Variants in ABCB1 observed in about 807,000 individuals in gnomAD.
The protein encoded by ABCB1 is ATP binding cassette subfamily B member 1, also known as ATP-dependent translocase ABCB1.
In ABCB1, 69 loss-of-function variants were observed where a neutral mutation model predicts 142.0. The observed-to-expected ratio is 0.49, with a 90% confidence interval of 0.40 to 0.59. The LOEUF is 0.59. ABCB1 is among the 20% of genes least tolerant of loss of function. The probability of loss-of-function intolerance (pLI) is 0.00; values close to 1 mark genes in which losing one functional copy is unlikely to be tolerated. For synonymous variants in ABCB1, 532 were observed against 539.2 expected, an observed-to-expected ratio of 0.99 and a Z score of 0.18; for missense variants, 1,326 against 1,554.7, an observed-to-expected ratio of 0.85 and a Z score of 2.47.
At chr7:87,526,553 C>T (rs1343707159) in intron 21 of ABCB1, among the ~76,000 whole-genome samples, 1 of 151,866 alleles carries the variant, frequency 6.6e-6, no homozygotes, top group Non-Finnish European at 1.5e-5. Flanking sequence ...TTCTTATAAC[C>T]CCCTCATCTA....
At chr7:87,539,971 G>A (rs1301247705) in intron 18 of ABCB1, among the ~76,000 whole-genome samples, 3 of 152,122 alleles carry the variant, frequency 2.0e-5, no homozygotes, top group Non-Finnish European at 4.4e-5. Flanking sequence ...AACACCTGTG[G>A]TATTAATAGT....
chr7:87,536,308 T>C, intron 20 of ABCB1, 150 bp downstream of exon 20: 2 of 740,886 alleles, frequency 2.7e-6, no homozygotes, highest in South Asian at 3.1e-5. Flanking sequence ...AACATGTTGC[T>C]ACAAAAAGCA....
intron 7 of ABCB1, chr7:87,564,219 T>C: frequency 4.8e-6 from 2 of 416,150 alleles, no homozygotes; most frequent in Admixed American, 2.8e-5. Flanking sequence ...AGCCGGCAGT[T>C]GTTCCATTGA....
At chr7:87,669,438 T>C (rs1056287103) in intron 1 of ABCB1, among the ~76,000 whole-genome samples, 4 of 152,234 alleles carry the variant, frequency 2.6e-5, no homozygotes, top group African/African-American at 9.6e-5. Flanking sequence ...AGCTTCTCAC[T>C]GTGCCTTTTA....
At chr7:87,588,779 A>G (rs924419418) in intron 3 of ABCB1, among the ~76,000 whole-genome samples, 1 of 152,162 alleles carries the variant, frequency 6.6e-6, no homozygotes, top group African/African-American at 2.4e-5. Flanking sequence ...ACAGTGTATA[A>G]ATGTTCCTTT....
intron 1 of ABCB1, among the ~76,000 whole-genome samples, chr7:87,693,192 A>G (rs1828172885): frequency 6.6e-6 from 1 of 152,204 alleles, no homozygotes; most frequent in African/African-American, 2.4e-5. Context: ...AAAATATAGC[A>G]GAAATTTCTA....
At chr7:87,644,738 CTACT>C (rs957979872) in intron 1 of ABCB1, among the ~76,000 whole-genome samples, 5 of 151,276 alleles carry the variant, frequency 3.3e-5, no homozygotes, top group African/African-American at 1.2e-4. Flanking sequence ...ATTTTTTTTA[CTACT>C]TATTCTCTCT....
intron 1 of ABCB1, among the ~76,000 whole-genome samples, chr7:87,662,272 C>CG (rs1730016840): frequency 6.6e-6 from 1 of 151,934 alleles, no homozygotes; most frequent in Non-Finnish European, 1.5e-5. Flanking sequence ...CTCACTTGTC[C>CG]GTTTTTGCTT....
At position 87,509,517 on chromosome 7, in the gene ABCB1, A is replaced by G. The variant is rs1242489280; in HGVS notation, c.3283-36T>C. The G allele has an allele frequency of 3.1e-6, 5 of 1,598,370 alleles. No individual in the cohort carries two copies. The African/African-American group carries it at 5.4e-5, about 17-fold the overall frequency. On this transcript the variant is annotated intron_variant, in intron 25 of 27. Coordinates refer to ENST00000622132, the MANE Select transcript of ABCB1 (RefSeq NM_001348946.2). Reference sequence around the variant, plus strand: ...GAGTTCACAGATCAACTTCAGGACCAGCACACTTTGAATGTAGCACAATTA... The same window carrying G: ...GAGTTCACAGATCAACTTCAGGACCGGCACACTTTGAATGTAGCACAATTA...
At chr7:87,550,324 C>A (rs1325687765) in intron 11 of ABCB1, 28 bp from the exon 12 acceptor site, 1 of 1,613,896 alleles carries the variant, frequency 6.2e-7, no homozygotes, top group African/African-American at 1.3e-5. Context: ...AAAAAAACTT[C>A]AAGGCAATTC....
At chr7:87,596,758 A>G (rs1452808613) in intron 2 of ABCB1, among the ~76,000 whole-genome samples, 1 of 152,126 alleles carries the variant, frequency 6.6e-6, no homozygotes, top group Non-Finnish European at 1.5e-5. Context: ...AAAAAAATCC[A>G]GAGTTTACCC....
At chr7:87,583,649 G>A (rs749578107) in intron 4 of ABCB1, among the ~76,000 whole-genome samples, 10 of 152,168 alleles carry the variant, frequency 6.6e-5, no homozygotes, top group Non-Finnish European at 1.0e-4. Flanking sequence ...CCAGAAAGGA[G>A]CTAGTCTTCA....
chr7:87,647,840 T>A (rs920022711), intron 1 of ABCB1, among the ~76,000 whole-genome samples: 1 of 151,910 alleles, frequency 6.6e-6, no homozygotes, highest in Non-Finnish European at 1.5e-5. Flanking sequence ...AAATGGATAA[T>A]CAAAAAGAGT....
At chr7:87,608,980 C>T (rs1584920273) in intron 1 of ABCB1, among the ~76,000 whole-genome samples, 1 of 152,302 alleles carries the variant, frequency 6.6e-6, no homozygotes, top group East Asian at 1.9e-4. Context: ...GTATATGTCA[C>T]ATATTACTCT....
rs903230534 is a variant in ABCB1, at chr7:87,539,814, C to A, written c.2320-469G>T. Among the ~76,000 whole-genome samples the A allele has an allele frequency of 2.0e-5, 3 of 152,168 alleles. No homozygotes were observed. The East Asian group carries it at 5.8e-4, about 29-fold the overall frequency. On this transcript the variant is annotated intron_variant, in intron 18 of 27. Transcript: ENST00000622132. ...TTTTCTAGGCAAGCTAGGTTCCAGT[C>A]CCCCCAAGCACCATGTTATGAAGGT...
rs185111470 is a variant in ABCB1 at position 87,688,417 on chromosome 7, C to T, written c.-331+24744G>A. On this transcript the variant is annotated intron_variant, in intron 1 of 28. Coordinates refer to the ABCB1 transcript ENST00000265724. ...ACACATAATCTTATGTTAATTTATA[C>T]GTATTTAGAAATGAAATTGAATATA... Among the ~76,000 whole-genome samples, 119 of 151,186 alleles carry T rather than the reference C, an allele frequency of 7.9e-4. 2 individuals carry two copies. Among genetic ancestry groups the T allele is most frequent in the Admixed American group, 7.0e-3 (106 of 15,176 alleles).
chr7:87,550,927 A>T lies in ABCB1; in HGVS notation c.1000-89T>A, dbSNP rs561085835. 186 of 809,074 alleles carry T rather than the reference A, an allele frequency of 2.3e-4. 2 individuals carry two copies. In the South Asian group the frequency reaches 2.7e-3, roughly 12 times the overall value. 50.1% of individuals were successfully genotyped at this position (809,074 alleles called of 1,614,324 possible). A position where few individuals can be genotyped will look rare whatever the true frequency, so the allele number is the denominator to read the frequency against. ...TCTTCTGTCTTTTTCTAACATAGGT[A>T]ATTAAAATTTAAAATGGCGAGGCAA... On this transcript the variant is annotated intron_variant, in intron 9 of 27. Transcript: ENST00000622132.
chr7:87,571,742 A>G lies in ABCB1; in HGVS notation c.287-1519T>C, dbSNP rs16885833. On this transcript the variant is annotated intron_variant, in intron 4 of 27. Transcript: ENST00000622132. ...TGTTTTGCAGTGCCTGGCACATTCA[A>G]TTGAAGATGTCCAATAAGTATTCAG... Among the ~76,000 whole-genome samples, 692 of 152,308 alleles carry G rather than the reference A, an allele frequency of 4.5e-3. 9 individuals carry two copies. The East Asian group carries it at 0.048, about 10-fold the overall frequency.
At chr7:87,620,253 C>T (rs1023878307) in intron 1 of ABCB1, among the ~76,000 whole-genome samples, 2 of 151,922 alleles carry the variant, frequency 1.3e-5, no homozygotes, top group South Asian at 2.1e-4. Context: ...CTCCACCTTG[C>T]GGGTTCAAGT....
Sources: gnomAD v4.1 joint callset for allele counts (sites outside exome capture counted in the v4.1 genomes callset) on GRCh38, gnomAD v4.1.1 for gene constraint, MANE v1.5 for transcripts, NCBI Gene and HGNC (gene_info 2026-07-23, HGNC 2026-07-21) for gene names.